Variants in ASXL2 observed in about 807,000 individuals in gnomAD.
ASXL2 encodes ASXL transcriptional regulator 2.
In ASXL2, 23 loss-of-function variants were observed where a neutral mutation model predicts 122.0. The observed-to-expected ratio is 0.19, with a 90% CI of 0.14 to 0.27. ASXL2 has a LOEUF of 0.27. Ranked by LOEUF, ASXL2 falls within the 10% of genes least tolerant of loss-of-function variation. The pLI, the probability that ASXL2 is intolerant of heterozygous loss-of-function variation, is 1.00. For synonymous variants in ASXL2, 650 were observed against 637.0 expected (o/e 1.02, Z -0.31); for missense variants, 1,518 against 1,713.8 (o/e 0.89, Z 2.02).
chr2:25,816,496 T>C (rs188842624), intron 3 of ASXL2, among the ~76,000 whole-genome samples: 15 of 152,236 alleles, frequency 9.9e-5, no homozygotes, highest in African/African-American at 3.6e-4. Context: ...AGGCTAAAAT[T>C]TGCCTGTTTG....
chr2:25,832,732 A>G (rs1286138910), intron 3 of ASXL2, among the ~76,000 whole-genome samples: 1 of 152,270 alleles, frequency 6.6e-6, no homozygotes, highest in Non-Finnish European at 1.5e-5. Context: ...AAAAACATTT[A>G]CACAAATGTT....
chr2:25,771,832 A>C (rs1242017501), intron 5 of ASXL2, among the ~76,000 whole-genome samples: 1 of 152,220 alleles, frequency 6.6e-6, no homozygotes, highest in Non-Finnish European at 1.5e-5. Context: ...ATCAGATAAA[A>C]CTTAGGAAAG....
rs1306543293 is a variant in ASXL2, at chr2:25,736,227, T to C, written c.*5802A>G. 1.3e-5 allele frequency: 2 copies of C among 152,214 alleles called. No individual in the cohort carries two copies. The highest frequency in any genetic ancestry group is 6.5e-5 in the Admixed American group (1 of 15,282). The allele number at this position is 152,214 out of a possible 1,614,324, so 9.4% of individuals were successfully genotyped here. A position where few individuals can be genotyped will look rare whatever the true frequency, so the allele number is the denominator to read the frequency against. ...AATAAAGGGTAGCTGGGGATCCAGG[T>C]TGAAGCTGCCTTGTCTTCTGGTATG... is the stretch of plus-strand genomic sequence containing the variant. On this transcript the variant is annotated 3_prime_UTR_variant, in exon 13 of 13. Coordinates refer to ENST00000435504, the MANE Select transcript of ASXL2 (RefSeq NM_018263.6).
At chr2:25,871,480 C>CA (rs1206421682) in intron 1 of ASXL2, among the ~76,000 whole-genome samples, 5 of 143,972 alleles carry the variant, frequency 3.5e-5, no homozygotes, top group Admixed American at 6.9e-5. Flanking sequence ...TTTAAGTGTT[C>CA]AAAAAAAAAT....
intron 2 of ASXL2, among the ~76,000 whole-genome samples, chr2:25,835,769 C>T (rs1559524631): frequency 6.6e-6 from 1 of 152,120 alleles, no homozygotes; most frequent in African/African-American, 2.4e-5. Flanking sequence ...GCTAAACAGT[C>T]TAAACTACTT....
intron 3 of ASXL2, chr2:25,830,664 G>T (rs1010915670): frequency 4.6e-5 from 7 of 151,006 alleles, no homozygotes; most frequent in African/African-American, 1.2e-4. Flanking sequence ...ATAAAAATTG[G>T]AATAGCTCTC....
At chr2:25,788,327 A>G (rs2088779868) in intron 5 of ASXL2, among the ~76,000 whole-genome samples, 1 of 152,224 alleles carries the variant, frequency 6.6e-6, no homozygotes, top group African/African-American at 2.4e-5. Context: ...TGTATATAGT[A>G]TTTTCATTGC....
chr2:25,860,567 C>T lies in ASXL2; in HGVS notation c.58-15004G>A, dbSNP rs544197580. ...GTACCTACTAAAAATACAAAAATGC[C>T]GGGCGTGGTGGCACATGCCTGTAAT... On this transcript the variant is annotated intron_variant, in intron 1 of 12. Coordinates refer to ENST00000435504, the MANE Select transcript of ASXL2 (RefSeq NM_018263.6). Among the ~76,000 whole-genome samples the T allele has an allele frequency of 2.1e-3, 319 of 151,496 alleles. 1 individual carries two copies. Among genetic ancestry groups the T allele is most frequent in the Admixed American group, 4.6e-3 (70 of 15,204 alleles).
At chr2:25,858,017 T>C (rs2089801095) in intron 1 of ASXL2, among the ~76,000 whole-genome samples, 1 of 152,194 alleles carries the variant, frequency 6.6e-6, no homozygotes, top group Non-Finnish European at 1.5e-5. Flanking sequence ...ATTTGTTCAC[T>C]GCTACATCCA....
At position 25,743,893 on chromosome 2, in the gene ASXL2, A is replaced by C; in HGVS notation, c.2444T>G (p.Val815Gly). 6.2e-7 allele frequency: 1 copy of C among 1,614,016 alleles called. No homozygotes were observed. Among genetic ancestry groups the C allele is most frequent in the Non-Finnish European group, 8.5e-7 (1 of 1,179,890 alleles). Residue 815 changes from valine (V) to glycine (G), a missense_variant, in exon 13 of 13, where the codon GTG becomes GGG. This residue lies in a region of ASXL2 where 831 missense variants were observed against 833.1 expected (regional missense o/e 1.00). Coordinates refer to ENST00000435504, the MANE Select transcript of ASXL2 (RefSeq NM_018263.6). ...CCCTTGTGGATGGCTGACAGAGGCC[A>C]CTGTGGCTGTTGCTCTGGTGGGGTT... ...KLNPTRATAT[V>G]ASVSHPQGPS...
intron 8 of ASXL2, among the ~76,000 whole-genome samples, chr2:25,762,096 T>C (rs535074322): frequency 6.6e-6 from 1 of 152,196 alleles, no homozygotes; most frequent in African/African-American, 2.4e-5. Flanking sequence ...CACTGAATTG[T>C]TGTATTTCCA....
At chr2:25,754,769 C>T (rs921586515) in intron 10 of ASXL2, among the ~76,000 whole-genome samples, 2 of 151,684 alleles carry the variant, frequency 1.3e-5, no homozygotes, top group Non-Finnish European at 2.9e-5. Context: ...GAAGTAAATC[C>T]TTTACCAATT....
chr2:25,833,846 G>A (rs1242409334), intron 3 of ASXL2, among the ~76,000 whole-genome samples: 2 of 152,184 alleles, frequency 1.3e-5, no homozygotes, highest in East Asian at 1.9e-4. Context: ...CTTGAGCAGA[G>A]TAGACAATGA....
At chr2:25,798,035 A>G (rs1012106955) in intron 5 of ASXL2, among the ~76,000 whole-genome samples, 1 of 152,360 alleles carries the variant, frequency 6.6e-6, no homozygotes, top group Non-Finnish European at 1.5e-5. Context: ...CACCCAGACA[A>G]TGGAAAGAAA....
intron 1 of ASXL2, among the ~76,000 whole-genome samples, chr2:25,866,020 T>G (rs1366440678): frequency 6.6e-6 from 1 of 152,116 alleles, no homozygotes; most frequent in Non-Finnish European, 1.5e-5. Flanking sequence ...AAACGCATCA[T>G]TTCCCTATTG....
At position 25,753,511 on chromosome 2, in the gene ASXL2, T is replaced by A. The variant is rs779725934; in HGVS notation, c.1142+23A>T. 1.9e-6 allele frequency: 3 copies of A among 1,580,576 alleles called. No homozygotes were observed. The African/African-American group carries it at 4.1e-5, about 21-fold the overall frequency. On this transcript the variant is annotated intron_variant, in intron 11 of 12. Coordinates refer to ENST00000435504, the MANE Select transcript of ASXL2 (RefSeq NM_018263.6). Reference sequence around the variant, plus strand: ...TATATGTAGGAATTAACATTTGGTTTATAGAACCTGTCCTAATATTACCTC... The same window carrying A: ...TATATGTAGGAATTAACATTTGGTTAATAGAACCTGTCCTAATATTACCTC...
chr2:25,809,216 G>A (rs949047214), intron 3 of ASXL2, among the ~76,000 whole-genome samples: 3 of 151,926 alleles, frequency 2.0e-5, no homozygotes, highest in African/African-American at 7.3e-5. Flanking sequence ...GATCCATTCT[G>A]CAGGCAGTTG....
At chr2:25,827,681 C>T (rs538687666) in intron 3 of ASXL2, among the ~76,000 whole-genome samples, 4 of 152,172 alleles carry the variant, frequency 2.6e-5, no homozygotes, top group Admixed American at 2.6e-4. Flanking sequence ...CAAAATACAC[C>T]ATCAAACAAA....
chr2:25,807,804 T>C (rs559830949), intron 3 of ASXL2, among the ~76,000 whole-genome samples: 1 of 152,232 alleles, frequency 6.6e-6, no homozygotes, highest in East Asian at 1.9e-4. Context: ...ATGAAAAACA[T>C]GAGGTCATGC....
Sources: gnomAD v4.1 joint callset for allele counts (sites outside exome capture counted in the v4.1 genomes callset) on GRCh38, gnomAD v4.1.1 for gene constraint, gnomAD v4.1.1 regional missense constraint, MANE v1.5 for transcripts, NCBI Gene and HGNC (gene_info 2026-07-23, HGNC 2026-07-21) for gene names.